GNAI3: variants seen among roughly 807,000 people sequenced by gnomAD.
GNAI3 encodes the protein guanine nucleotide-binding protein G(i) subunit alpha-3.
Under a neutral mutation model 41.8 loss-of-function variants are expected in GNAI3, and 12 were observed. That is an observed-to-expected ratio of 0.29 (90% CI 0.18 to 0.47). The LOEUF is 0.47. Ranked by LOEUF, GNAI3 falls within the 20% of genes least tolerant of loss-of-function variation. GNAI3 has a pLI of 1.00. For synonymous variants in GNAI3, 132 were observed against 146.5 expected (o/e 0.90, Z 0.71); for missense variants, 360 against 429.6 (o/e 0.84, Z 1.43).
Position 109,592,130 on chromosome 1 carries a change from C to T in GNAI3, c.962C>T (p.Thr321Ile). ...NRRKDTKEIY[T>I]HFTCATDTKN... ...AGAAAAGATACCAAGGAGATCTATA[C>T]TCACTTCACCTGTGCCACAGACACG... Residue 321 changes from threonine to isoleucine, a missense_variant, in exon 8 of 9, where the codon ACT becomes ATT. Thr to Ile is a moderately conservative substitution (Grantham distance 89). Coordinates refer to ENST00000369851, the MANE Select transcript of GNAI3 (RefSeq NM_006496.4). The T allele has an allele frequency of 6.2e-7, 1 of 1,610,784 alleles. No individual in the cohort carries two copies. Among genetic ancestry groups the T allele is most frequent in the Non-Finnish European group, 8.5e-7 (1 of 1,176,916 alleles).
At chr1:109,577,921 G>A (rs1223088528) in intron 3 of GNAI3, among the ~76,000 whole-genome samples, 2 of 152,122 alleles carry the variant, frequency 1.3e-5, no homozygotes, top group Admixed American at 1.3e-4. Context: ...AGATACAAAT[G>A]ATTGCTCCCC....
chr1:109,567,800 A>G (rs1007615487), intron 1 of GNAI3, among the ~76,000 whole-genome samples: 1 of 152,202 alleles, frequency 6.6e-6, no homozygotes, highest in Non-Finnish European at 1.5e-5. Flanking sequence ...TGGAACATTT[A>G]CTATGTGCCA....
rs977674998 is a variant in GNAI3 at position 109,593,775 on chromosome 1, C to A, written c.*1453C>A. On this transcript the variant is annotated 3_prime_UTR_variant, in exon 9 of 9. Coordinates refer to ENST00000369851, the MANE Select transcript of GNAI3 (RefSeq NM_006496.4). ...AGTTACGTTCACTTCAACCTACAGA[C>A]CCTTTTGTATAATGTACAGCAAATG... 3 of 152,600 alleles carry A rather than the reference C, an allele frequency of 2.0e-5. No individual in the cohort carries two copies. Among genetic ancestry groups the A allele is most frequent in the Non-Finnish European group, 2.9e-5 (2 of 68,034 alleles). The allele number at this position is 152,600 out of a possible 1,614,324, so 9.5% of individuals were successfully genotyped here. A position where few individuals can be genotyped will look rare whatever the true frequency, so the allele number is the denominator to read the frequency against.
intron 1 of GNAI3, among the ~76,000 whole-genome samples, chr1:109,555,695 A>T (rs1648119944): frequency 2.6e-5 from 4 of 152,162 alleles, no homozygotes; most frequent in Admixed American, 2.6e-4. Context: ...ACTTATATGC[A>T]TTATTACAAA....
Position 109,548,673 on chromosome 1 carries a change from C to T in GNAI3, c.-48C>T, listed in dbSNP as rs1246869972. On this transcript the variant is annotated 5_prime_UTR_variant, in exon 1 of 9. Transcript: ENST00000369851. The stretch of plus-strand genomic sequence containing the variant: ...GCCTCAGCCTGCCGAGCCGCAGTTT[C>T]CGTGGTGTGAGTGAGTCCGGGCCCG... The T allele has an allele frequency of 5.9e-6, 8 of 1,350,846 alleles. No individual in the cohort carries two copies. In the South Asian group the frequency reaches 9.5e-5, roughly 16 times the overall value. 83.7% of individuals were successfully genotyped at this position (1,350,846 alleles called of 1,614,324 possible). A position where few individuals can be genotyped will look rare whatever the true frequency, so the allele number is the denominator to read the frequency against.
In GNAI3 at chr1:109,595,635, G is replaced by A. The variant is rs1407626754; in HGVS notation, c.*3313G>A. The A allele has an allele frequency of 6.6e-6, 1 of 151,910 alleles. No individual in the cohort carries two copies. Among genetic ancestry groups the A allele is most frequent in the African/African-American group, 2.4e-5 (1 of 41,356 alleles). The allele number at this position is 151,910 out of a possible 1,614,324, so 9.4% of individuals were successfully genotyped here. On this transcript the variant is annotated 3_prime_UTR_variant, in exon 9 of 9. Transcript: ENST00000369851. ...TCATTATTCTCTCATTTATAGCTGT[G>A]ACATTCTTTGGACATTACTTGCCTG...
chr1:109,570,231 A>G (rs1648557340), intron 1 of GNAI3, among the ~76,000 whole-genome samples: 1 of 152,176 alleles, frequency 6.6e-6, no homozygotes. Flanking sequence ...TCATATATAA[A>G]TGTACCTTTT....
At chr1:109,590,057 A>C (rs191365443) in intron 7 of GNAI3, among the ~76,000 whole-genome samples, 1 of 152,358 alleles carries the variant, frequency 6.6e-6, no homozygotes, top group African/African-American at 2.4e-5. Context: ...CAGAAGTACA[A>C]ATAAGTGCAG....
At chr1:109,572,510 C>T (rs1040539611) in intron 1 of GNAI3, among the ~76,000 whole-genome samples, 6 of 152,000 alleles carry the variant, frequency 3.9e-5, no homozygotes, top group Non-Finnish European at 7.4e-5. Flanking sequence ...TTTTGGAGAC[C>T]TTGAGAAGTA....
At chr1:109,564,855 C>A (rs949703468) in intron 1 of GNAI3, among the ~76,000 whole-genome samples, 1 of 152,136 alleles carries the variant, frequency 6.6e-6, no homozygotes, top group African/African-American at 2.4e-5. Flanking sequence ...TTCTTATGTG[C>A]CCTTTAAGCC....
At chr1:109,559,026 A>G (rs1557903099) in intron 1 of GNAI3, among the ~76,000 whole-genome samples, 1 of 151,956 alleles carries the variant, frequency 6.6e-6, no homozygotes, top group African/African-American at 2.4e-5. Context: ...AAAATACAAA[A>G]AATTAGCTGG....
At chr1:109,552,266 C>G (rs1364256365) in intron 1 of GNAI3, among the ~76,000 whole-genome samples, 6 of 152,008 alleles carry the variant, frequency 3.9e-5, no homozygotes, top group African/African-American at 9.7e-5. Context: ...GCTTCCCAAC[C>G]AATGTTCCAG....
rs1417775007 is a variant in GNAI3, at chr1:109,592,947, A to T, written c.*625A>T. 1 of 152,674 alleles carries T rather than the reference A, an allele frequency of 6.5e-6. No individual in the cohort carries two copies. Among genetic ancestry groups the T allele is most frequent in the Non-Finnish European group, 1.5e-5 (1 of 68,054 alleles). 9.5% of individuals were successfully genotyped at this position (152,674 alleles called of 1,614,324 possible). The stretch of plus-strand genomic sequence containing the variant: ...GAAATTTATGTTATTATCCTGCTCA[A>T]AGTACCATTATGGTTTCCATATGGT... On this transcript the variant is annotated 3_prime_UTR_variant, in exon 9 of 9. Coordinates refer to ENST00000369851, the MANE Select transcript of GNAI3 (RefSeq NM_006496.4).
chr1:109,560,853 T>A (rs538892110), intron 1 of GNAI3, among the ~76,000 whole-genome samples: 1 of 152,324 alleles, frequency 6.6e-6, no homozygotes, highest in South Asian at 2.1e-4. Flanking sequence ...CTGACCTGAT[T>A]CACTGCTCTT....
rs1648264450 is a variant in GNAI3 at position 109,559,980 on chromosome 1, T to G, written c.118+11142T>G. 2.0e-5 allele frequency among the ~76,000 whole-genome samples: 3 copies of G among 152,212 alleles called. No individual in the cohort carries two copies. The South Asian group carries it at 6.2e-4, about 32-fold the overall frequency. Reference sequence around the variant, plus strand: ...TTAAGTTGTGACAAATTCATGTATCTGATGTGAACTAAGCAAAGAAGAAAG... The same window carrying G: ...TTAAGTTGTGACAAATTCATGTATCGGATGTGAACTAAGCAAAGAAGAAAG... On this transcript the variant is annotated intron_variant, in intron 1 of 8. Transcript: ENST00000369851.
At chr1:109,561,500 A>G (rs1436507447) in intron 1 of GNAI3, among the ~76,000 whole-genome samples, 1 of 152,190 alleles carries the variant, frequency 6.6e-6, no homozygotes, top group Non-Finnish European at 1.5e-5. Flanking sequence ...CCAGGATCCA[A>G]TCCAGGATAC....
chr1:109,595,249 C>T lies in GNAI3; in HGVS notation c.*2927C>T, dbSNP rs948299396. 2 of 152,176 alleles carry T rather than the reference C, an allele frequency of 1.3e-5. No homozygotes were observed. The highest frequency in any genetic ancestry group is 4.8e-5 in the African/African-American group (2 of 41,444). 9.4% of individuals were successfully genotyped at this position (152,176 alleles called of 1,614,324 possible). A position where few individuals can be genotyped will look rare whatever the true frequency, so the allele number is the denominator to read the frequency against. On this transcript the variant is annotated 3_prime_UTR_variant, in exon 9 of 9. Coordinates refer to ENST00000369851, the MANE Select transcript of GNAI3 (RefSeq NM_006496.4). ...AAGTATTCTTAATGGACAGTCCCCC[C>T]TAACCTTATAAATTCAGCTTTGCAA...
chr1:109,574,043 T>C lies in GNAI3; in HGVS notation c.303+6T>C. The C allele has an allele frequency of 6.3e-7, 1 of 1,598,246 alleles. No individual in the cohort carries two copies. Among genetic ancestry groups the C allele is most frequent in the Non-Finnish European group, 8.5e-7 (1 of 1,174,084 alleles). ...TTGGGGAAGCTGCCAGGGCAGTAAGTGTTTCTCATTTCCTCTTCACTTGCT... is the reference window on the plus strand; with the variant it reads ...TTGGGGAAGCTGCCAGGGCAGTAAGCGTTTCTCATTTCCTCTTCACTTGCT... On this transcript the variant is annotated splice_donor_region_variant and intron_variant, in intron 3 of 8. Coordinates refer to ENST00000369851, the MANE Select transcript of GNAI3 (RefSeq NM_006496.4).
chr1:109,553,343 A>AT (rs373317844), intron 1 of GNAI3, among the ~76,000 whole-genome samples: 105 of 117,082 alleles, frequency 9.0e-4, no homozygotes, highest in African/African-American at 2.6e-3. Context: ...CTGAGAAAAC[A>AT]TAAAAAAAAA....
Sources: allele counts gnomAD v4.1 joint callset (sites outside exome capture counted in the v4.1 genomes callset), GRCh38; gene constraint gnomAD v4.1.1; transcripts MANE v1.5; gene names NCBI Gene and HGNC (gene_info 2026-07-23, HGNC 2026-07-21).